Variants in MYO1B observed in about 807,000 individuals in gnomAD.
MYO1B encodes unconventional myosin-Ib.
In MYO1B, 72 loss-of-function variants were observed where a neutral mutation model predicts 159.7. That is an observed-to-expected ratio of 0.45 (90% CI 0.37 to 0.55). The LOEUF is 0.55. Ranked by LOEUF, MYO1B falls within the 20% of genes least tolerant of loss-of-function variation. The pLI, the probability that MYO1B is intolerant of heterozygous loss-of-function variation, is 0.00. For synonymous variants in MYO1B, 468 were observed against 473.8 expected, an observed-to-expected ratio of 0.99 and a Z score of 0.16; for missense variants, 1,062 against 1,364.8, an observed-to-expected ratio of 0.78 and a Z score of 3.50.
At chr2:191,252,928 T>C (rs1421200199) in intron 1 of MYO1B, among the ~76,000 whole-genome samples, 1 of 152,184 alleles carries the variant, frequency 6.6e-6, no homozygotes, top group East Asian at 1.9e-4. Flanking sequence ...CTATGTCTGA[T>C]TTATTGTTCT....
intron 7 of MYO1B, among the ~76,000 whole-genome samples, chr2:191,358,453 T>C (rs1030536358): frequency 2.0e-5 from 3 of 152,222 alleles, no homozygotes; most frequent in Non-Finnish European, 4.4e-5. Flanking sequence ...CAGCATTCCT[T>C]TTCATATCGT....
intron 7 of MYO1B, among the ~76,000 whole-genome samples, chr2:191,356,526 T>G (rs1280121336): frequency 6.6e-6 from 1 of 152,134 alleles, no homozygotes; most frequent in Non-Finnish European, 1.5e-5. Context: ...TCAGTTTTAC[T>G]TTGTTGTTCT....
intron 2 of MYO1B, among the ~76,000 whole-genome samples, chr2:191,277,946 TAAATA>T (rs1264239125): frequency 6.6e-6 from 1 of 152,174 alleles, no homozygotes; most frequent in Non-Finnish European, 1.5e-5. Flanking sequence ...GAAGTATAAA[TAAATA>T]AAAGAGATAA....
At chr2:191,265,319 G>A (rs956324702) in intron 1 of MYO1B, among the ~76,000 whole-genome samples, 1 of 151,994 alleles carries the variant, frequency 6.6e-6, no homozygotes, top group Non-Finnish European at 1.5e-5. Context: ...CCCTATGTGA[G>A]TGCCTACCAG....
intron 1 of MYO1B, among the ~76,000 whole-genome samples, chr2:191,272,513 G>A (rs1287852362): frequency 1.3e-5 from 2 of 152,178 alleles, no homozygotes; most frequent in Admixed American, 6.5e-5. Flanking sequence ...TGGCAGAAGT[G>A]CTTATTTCTT....
At chr2:191,313,192 C>CTTTTTTTTTTTTTTTTTTTTTTTTTTTTT (rs762175060) in intron 3 of MYO1B, among the ~76,000 whole-genome samples, 2 of 43,010 alleles carry the variant, frequency 4.7e-5, no homozygotes, top group Non-Finnish European at 7.5e-5. Context: ...GCACACATGG[C>CTTTTTTTTTTTTTTTTTTTTTTTTTTTTT]TTTTTTTTTT....
Position 191,424,078 on chromosome 2 carries a change from G to T in MYO1B, c.*118G>T. The T allele has an allele frequency of 8.3e-7, 1 of 1,210,972 alleles. No homozygotes were observed. Among genetic ancestry groups the T allele is most frequent in the Non-Finnish European group, 1.1e-6 (1 of 871,418 alleles). 75.0% of individuals were successfully genotyped at this position (1,210,972 alleles called of 1,614,324 possible). Reference sequence around the variant, plus strand: ...CACCAAAGGCTTTTAGAGTTCTTTGGCAAAATAAAAATATTTGACTAATCA... The same window carrying T: ...CACCAAAGGCTTTTAGAGTTCTTTGTCAAAATAAAAATATTTGACTAATCA... On this transcript the variant is annotated 3_prime_UTR_variant, in exon 31 of 31. Transcript: ENST00000392318.
chr2:191,333,725 C>CTG (rs955410683), intron 4 of MYO1B, among the ~76,000 whole-genome samples: 2 of 152,208 alleles, frequency 1.3e-5, no homozygotes, highest in African/African-American at 4.8e-5. Flanking sequence ...GTCTCTGCCT[C>CTG]TGTCTCTGTC....
Position 191,364,142 on chromosome 2 carries a change from C to A in MYO1B, c.914-16C>A. On this transcript the variant is annotated splice_polypyrimidine_tract_variant and intron_variant, in intron 10 of 30. Transcript: ENST00000392318. Reference sequence around the variant, plus strand: ...TGTACAGTCACTTTTTGTGTCCATCCCCTGCCTTCCCACAGAGTTAAAAGA... The same window carrying A: ...TGTACAGTCACTTTTTGTGTCCATCACCTGCCTTCCCACAGAGTTAAAAGA... The A allele has an allele frequency of 1.2e-6, 2 of 1,600,744 alleles. No homozygotes were observed. Among genetic ancestry groups the A allele is most frequent in the South Asian group, 1.1e-5 (1 of 90,654 alleles).
intron 7 of MYO1B, among the ~76,000 whole-genome samples, chr2:191,352,478 A>G (rs187269622): frequency 9.8e-5 from 15 of 152,336 alleles, no homozygotes; most frequent in African/African-American, 3.6e-4. Flanking sequence ...TTAGAAAATA[A>G]CTTCAGTTTT....
intron 3 of MYO1B, among the ~76,000 whole-genome samples, chr2:191,312,415 A>G (rs1690061350): frequency 6.6e-6 from 1 of 152,232 alleles, no homozygotes; most frequent in Non-Finnish European, 1.5e-5. Flanking sequence ...CCTCTTCTCT[A>G]AAGGCCACTT....
chr2:191,346,269 A>C lies in MYO1B; in HGVS notation c.485A>C (p.Asn162Thr). The C allele has an allele frequency of 1.9e-6, 3 of 1,571,884 alleles. No homozygotes were observed. The South Asian group carries it at 3.6e-5, about 19-fold the overall frequency. ...AATGCCAAAACTGTAAGGAATGACAACTCCTCTAGATTTGTAAGTATTTGT... is the reference window on the plus strand; with the variant it reads ...AATGCCAAAACTGTAAGGAATGACACCTCCTCTAGATTTGTAAGTATTTGT... The part of the protein sequence containing the change: ...FGNAKTVRND[N>T]SSRFGKYMDI... The change falls in exon 6 of 31, where the codon AAC (asparagine) becomes ACC (threonine). Residue 162 changes from asparagine to threonine, a missense_variant. Asn to Thr is a moderately conservative substitution (Grantham distance 65). Transcript: ENST00000392318.
intron 30 of MYO1B, among the ~76,000 whole-genome samples, chr2:191,418,304 T>C (rs1697704263): frequency 6.6e-6 from 1 of 152,086 alleles, no homozygotes; most frequent in Non-Finnish European, 1.5e-5. Context: ...GTGGCTTCGC[T>C]AGCTCTATAG....
intron 3 of MYO1B, among the ~76,000 whole-genome samples, chr2:191,301,028 T>G (rs1439496856): frequency 6.6e-6 from 1 of 152,176 alleles, no homozygotes; most frequent in African/African-American, 2.4e-5. Flanking sequence ...AACATGGAAC[T>G]CCTCAGCTGG....
Position 191,383,354 on chromosome 2 carries a change from G to T in MYO1B, c.1353+12G>T. The T allele has an allele frequency of 6.5e-7, 1 of 1,537,550 alleles. No individual in the cohort carries two copies. On this transcript the variant is annotated intron_variant, in intron 15 of 30. Transcript: ENST00000392318. ...ACCTAATAGAAAATGTGAGTACTTA[G>T]GTACAGTTTTCTAAAGAATGTTTTA...
chr2:191,414,686 A>G lies in MYO1B; in HGVS notation c.3159+17A>G, dbSNP rs755683237. 4.6e-5 allele frequency: 73 copies of G among 1,597,760 alleles called. No individual in the cohort carries two copies. The highest frequency in any genetic ancestry group is 6.0e-5 in the Non-Finnish European group (70 of 1,174,684). On this transcript the variant is annotated intron_variant, in intron 29 of 30. Transcript: ENST00000392318. Reference sequence around the variant, plus strand: ...CTCAAAGAGGTAAAGGTTCAACAGAAGATTTCTGTGCTTAATCTCTCAGCC... The same window carrying G: ...CTCAAAGAGGTAAAGGTTCAACAGAGGATTTCTGTGCTTAATCTCTCAGCC...
At chr2:191,373,819 A>G (rs1431647338) in intron 13 of MYO1B, among the ~76,000 whole-genome samples, 2 of 152,194 alleles carry the variant, frequency 1.3e-5, no homozygotes, top group Admixed American at 1.3e-4. Flanking sequence ...CTTTCCTTCT[A>G]CATGCAGTAA....
intron 5 of MYO1B, among the ~76,000 whole-genome samples, chr2:191,345,203 G>A (rs1312666277): frequency 6.6e-6 from 1 of 152,116 alleles, no homozygotes; most frequent in Non-Finnish European, 1.5e-5. Context: ...AGAAACGGAG[G>A]ATCTCATGCC....
intron 30 of MYO1B, 128 bp downstream of exon 30, chr2:191,416,370 A>G (rs1245781745): frequency 2.8e-5 from 31 of 1,116,444 alleles, no homozygotes; most frequent in Non-Finnish European, 3.8e-5. Flanking sequence ...GTTGTTCCAC[A>G]TGATAAATGG....
Sources: allele counts gnomAD v4.1 joint callset (sites outside exome capture counted in the v4.1 genomes callset), GRCh38; gene constraint gnomAD v4.1.1; transcripts MANE v1.5; gene names NCBI Gene and HGNC (gene_info 2026-07-23, HGNC 2026-07-21).